The following UBE3D variants were observed in gnomAD, a reference collection of about 807,000 sequenced individuals.
UBE3D encodes the protein E3 ubiquitin-protein ligase E3D.
In UBE3D, 48 loss-of-function variants were observed where a neutral mutation model predicts 49.6. The ratio of observed to expected loss-of-function variants is 0.97; its 90% CI spans 0.77 to 1.23. The LOEUF (loss-of-function observed/expected upper bound fraction) is 1.23, where lower values mean the gene tolerates loss of function less well. Among genes scored for constraint, UBE3D ranks in the 50% most tolerant of loss-of-function variants. UBE3D has a pLI of 0.00. For synonymous variants in UBE3D, 189 were observed against 174.2 expected (o/e 1.08, Z -0.67); for missense variants, 452 against 468.4 (o/e 0.96, Z 0.32).
chr6:83,065,642 C>G lies in UBE3D; in HGVS notation c.77G>C (p.Gly26Ala). ...CTGCGCCTAGAATCCCAGTTCTTAC[C>G]CCAGGATCAGAAGCGCGCTCTGCAG... ...GQLQSALLIL[G>A]EPKEGGMPMN... is the part of the protein sequence containing the mutation. Residue 26 changes from glycine (G) to alanine (A), a missense_variant and splice_region_variant, in exon 1 of 10, where the codon GGA (glycine) becomes GCA (alanine). Transcript: ENST00000369747. The G allele has an allele frequency of 6.2e-7, 1 of 1,613,926 alleles. No individual in the cohort carries two copies. Among genetic ancestry groups the G allele is most frequent in the Admixed American group, 1.7e-5 (1 of 60,014 alleles).
rs867563199 is a variant in UBE3D, at chr6:82,975,474, G to A, written c.1011-18024C>T. Among the ~76,000 whole-genome samples the A allele has an allele frequency of 2.6e-5, 4 of 152,212 alleles. No individual in the cohort carries two copies. The Middle Eastern group carries it at 0.014, about 518-fold the overall frequency. On this transcript the variant is annotated intron_variant, in intron 8 of 9. Transcript: ENST00000369747. ...ATACTAGCAGTAGTTGTCAGTGTAG[G>A]CTATGAGTATAAAAATTCTGCTTGC...
intron 9 of UBE3D, among the ~76,000 whole-genome samples, chr6:82,934,860 G>A (rs1774432188): frequency 7.3e-6 from 1 of 136,934 alleles, no homozygotes; most frequent in Non-Finnish European, 1.6e-5. Context: ...GGAAGATCTA[G>A]TACTGAGGAA....
intron 8 of UBE3D, among the ~76,000 whole-genome samples, chr6:82,993,399 T>C (rs1032744255): frequency 5.9e-5 from 9 of 152,098 alleles, no homozygotes; most frequent in South Asian, 2.1e-4. Flanking sequence ...TCAGTATCCA[T>C]AGGGGATTGG....
intron 5 of UBE3D, among the ~76,000 whole-genome samples, chr6:83,034,545 G>A (rs184150960): frequency 7.9e-5 from 12 of 152,220 alleles, no homozygotes; most frequent in Admixed American, 5.9e-4. Context: ...TTGGGGCCTG[G>A]TGGGAAGTGA....
intron 8 of UBE3D, among the ~76,000 whole-genome samples, chr6:83,009,600 C>T (rs556718954): frequency 6.8e-6 from 1 of 146,254 alleles, no homozygotes; most frequent in East Asian, 2.0e-4. Context: ...AGTAGAAATA[C>T]TATTCTCACA....
chr6:83,014,535 A>AACTCC (rs1400721678), intron 8 of UBE3D, among the ~76,000 whole-genome samples: 1 of 152,134 alleles, frequency 6.6e-6, no homozygotes, highest in Non-Finnish European at 1.5e-5. Context: ...CCTGAGCTAA[A>AACTCC]ACTCCATCAA....
At chr6:83,031,568 T>C (rs182317779) in intron 5 of UBE3D, among the ~76,000 whole-genome samples, 1 of 152,224 alleles carries the variant, frequency 6.6e-6, no homozygotes, top group East Asian at 1.9e-4. Context: ...AAGATTTGAC[T>C]GCTTTGCTGG....
intron 5 of UBE3D, among the ~76,000 whole-genome samples, chr6:83,027,188 A>G (rs1781522293): frequency 1.3e-5 from 2 of 151,952 alleles, no homozygotes; most frequent in Admixed American, 1.3e-4. Context: ...CTGTAATCCC[A>G]GCACTTTGGG....
At chr6:83,003,288 T>C (rs752515314) in intron 8 of UBE3D, among the ~76,000 whole-genome samples, 5 of 152,174 alleles carry the variant, frequency 3.3e-5, no homozygotes, top group Admixed American at 2.0e-4. Flanking sequence ...ATCATGATTA[T>C]ACTTGTCTCA....
rs372825563 is a variant in UBE3D at position 83,035,407 on chromosome 6, G to C, written c.667+3009C>G. On this transcript the variant is annotated intron_variant, in intron 5 of 9. Coordinates refer to ENST00000369747, the MANE Select transcript of UBE3D (RefSeq NM_198920.3). Reference sequence around the variant, plus strand: ...ATTACTAAGAAAAATAAACCTTTGAGAATTGTGTTTTGAGACTTTGTTATT... The same window carrying C: ...ATTACTAAGAAAAATAAACCTTTGACAATTGTGTTTTGAGACTTTGTTATT... Among the ~76,000 whole-genome samples the C allele has an allele frequency of 1.1e-4, 17 of 152,260 alleles. No homozygotes were observed. In the East Asian group the frequency reaches 2.7e-3, roughly 24 times the overall value.
chr6:83,002,456 G>A (rs766436976), intron 8 of UBE3D, among the ~76,000 whole-genome samples: 4 of 152,120 alleles, frequency 2.6e-5, no homozygotes, highest in African/African-American at 7.2e-5. Flanking sequence ...AGGCCAAGGT[G>A]GGTGGATCAC....
chr6:83,064,664 A>G (rs1194029246), intron 1 of UBE3D, among the ~76,000 whole-genome samples: 1 of 152,196 alleles, frequency 6.6e-6, no homozygotes, highest in Admixed American at 6.5e-5. Context: ...GGTGCACCAG[A>G]ATTGGAGATA....
At chr6:82,957,549 C>T in intron 8 of UBE3D, 99 bp from the exon 9 acceptor site, 1 of 1,333,796 alleles carries the variant, frequency 7.5e-7, no homozygotes, top group Non-Finnish European at 1.0e-6. Context: ...GAGAAAAAGG[C>T]AAAGTACAAA....
At position 82,904,471 on chromosome 6, in the gene UBE3D, G is replaced by A. The variant is rs117714198; in HGVS notation, c.1150-11429C>T. On this transcript the variant is annotated intron_variant, in intron 9 of 9. Coordinates refer to ENST00000369747, the MANE Select transcript of UBE3D (RefSeq NM_198920.3). ...GAGAGCTGAGATTGAATGCCTCCCC[G>A]ACATTTACTAGCTGAATGACCTCTT... Among the ~76,000 whole-genome samples the A allele has an allele frequency of 4.9e-3, 750 of 152,270 alleles. 5 individuals carry two copies. Among genetic ancestry groups the A allele is most frequent in the South Asian group, 0.015 (71 of 4,824 alleles).
chr6:82,973,991 G>C (rs1374930933), intron 8 of UBE3D, among the ~76,000 whole-genome samples: 1 of 152,144 alleles, frequency 6.6e-6, no homozygotes, highest in East Asian at 1.9e-4. Context: ...AGATGGGACT[G>C]TCTAGTTGTA....
chr6:83,044,558 G>C lies in UBE3D; in HGVS notation c.467C>G (p.Pro156Arg). 1 of 1,614,004 alleles carries C rather than the reference G, an allele frequency of 6.2e-7. No homozygotes were observed. The highest frequency in any genetic ancestry group is 8.5e-7 in the Non-Finnish European group (1 of 1,179,972). ...TCCAATAAAACAGTCATTCTCTTGC[G>C]GATGAAGTGATTTATTAGCAAAGGG... Reference protein sequence around the residue: ...PDPFANKSLHPQENDCFIGDS... With the variant: ...PDPFANKSLHRQENDCFIGDS... Residue 156 changes from proline to arginine, a missense_variant, in exon 4 of 10, where the codon CCG becomes CGG. Pro to Arg is a moderately radical substitution (Grantham distance 103). Transcript: ENST00000369747.
intron 8 of UBE3D, among the ~76,000 whole-genome samples, chr6:82,965,291 A>C (rs755590748): frequency 9.2e-5 from 14 of 152,212 alleles, no homozygotes; most frequent in Non-Finnish European, 1.3e-4. Flanking sequence ...GACTGGGAAC[A>C]CTTTCATTAA....
intron 8 of UBE3D, among the ~76,000 whole-genome samples, chr6:82,985,008 C>CTTTTTTTTTTTTT (rs70987727): frequency 2.8e-4 from 15 of 52,992 alleles, no homozygotes; most frequent in South Asian, 1.0e-3. Flanking sequence ...TCTTCTTCTT[C>CTTTTTTTTTTTTT]TTTTTTTTTT....
In UBE3D at chr6:83,030,780, C is replaced by A. The variant is rs147521497; in HGVS notation, c.668-6742G>T. Among the ~76,000 whole-genome samples, 30 of 152,232 alleles carry A rather than the reference C, an allele frequency of 2.0e-4. 2 individuals are homozygous for A. In the South Asian group the frequency reaches 6.2e-3, roughly 32 times the overall value. On this transcript the variant is annotated intron_variant, in intron 5 of 9. Transcript: ENST00000369747. The stretch of plus-strand genomic sequence containing the variant: ...ATAGGAAATGGGGGAAAGTTTGAAC[C>A]TTCCTAGAGACTTGTTGAATGGTTT...
Sources: gnomAD v4.1 joint callset for allele counts (sites outside exome capture counted in the v4.1 genomes callset) on GRCh38, gnomAD v4.1.1 for gene constraint, MANE v1.5 for transcripts, NCBI Gene and HGNC (gene_info 2026-07-23, HGNC 2026-07-21) for gene names.